BRAT1: variants seen among roughly 807,000 people sequenced by gnomAD.
BRAT1 encodes integrator complex assembly factor BRAT1.
A neutral mutation model predicts 70.6 loss-of-function variants in BRAT1; 74 were observed. The ratio of observed to expected loss-of-function variants is 1.05; its 90% CI spans 0.87 to 1.27. The LOEUF (loss-of-function observed/expected upper bound fraction) is 1.27. BRAT1 is among the 50% of genes most tolerant of loss of function. The pLI, the probability that BRAT1 is intolerant of heterozygous loss-of-function variation, is 0.00. For missense variants in BRAT1, 1,203 were observed against 1,098.2 expected (o/e 1.10, Z -1.35); for synonymous variants, 615 against 517.1 (o/e 1.19, Z -2.57).
chr7:2,547,527 G>A (rs1272711111), intron 2 of BRAT1, 49 bp from the exon 3 acceptor site: 1 of 1,591,868 alleles, frequency 6.3e-7, no homozygotes, highest in East Asian at 2.2e-5. Flanking sequence ...GGCACCAGGT[G>A]TCCCCCTGGA....
rs772176091 is a variant in BRAT1 at position 2,554,294 on chromosome 7, C to T, written c.127+11G>A. 3 of 1,612,866 alleles carry T rather than the reference C, an allele frequency of 1.9e-6. No individual in the cohort carries two copies. Among genetic ancestry groups the T allele is most frequent in the Non-Finnish European group, 2.5e-6 (3 of 1,179,242 alleles). ...CTGGATAGGCAGTAAACAGCAGCAC[C>T]ACCTCCTTACCTCCTTCAGTGACCG... On this transcript the variant is annotated intron_variant, in intron 2 of 13. Coordinates refer to ENST00000340611, the MANE Select transcript of BRAT1 (RefSeq NM_152743.4).
intron 1 of BRAT1, 66 bp from the exon 2 acceptor site, chr7:2,554,513 C>G: frequency 4.6e-6 from 7 of 1,514,348 alleles, no homozygotes; most frequent in Non-Finnish European, 6.2e-6. Context: ...CTAGTCACAG[C>G]AGCCCACCAT....
Position 2,538,245 on chromosome 7 carries a change from G to C in BRAT1, c.2290C>G (p.Pro764Ala), listed in dbSNP as rs754574676. The change falls in exon 14 of 14, where the codon CCA (proline) becomes GCA (alanine). Residue 764 changes from proline (P) to alanine (A), a missense_variant. Pro to Ala is a conservative substitution (Grantham distance 27, BLOSUM62 -1). Coordinates refer to ENST00000340611, the MANE Select transcript of BRAT1 (RefSeq NM_152743.4). ...RWRAGEQAQP[P>A]GDQEPEAVLA... ...ACAGCCTCAGGCTCCTGGTCCCCTGGGGGCTGGGCCTGCTCACCCGCCCGC... is the reference window on the plus strand; with the variant it reads ...ACAGCCTCAGGCTCCTGGTCCCCTGCGGGCTGGGCCTGCTCACCCGCCCGC... The C allele has an allele frequency of 8.1e-6, 13 of 1,609,918 alleles. No individual in the cohort carries two copies. The South Asian group carries it at 1.2e-4, about 15-fold the overall frequency.
In BRAT1 at chr7:2,539,212, G is replaced by A. The variant is rs764731535; in HGVS notation, c.1737C>T (p.Ala579=). The A allele has an allele frequency of 1.2e-6, 2 of 1,609,762 alleles. No homozygotes were observed. Among genetic ancestry groups the A allele is most frequent in the Non-Finnish European group, 1.7e-6 (2 of 1,179,112 alleles). The change falls in exon 13 of 14, where the codon GCC becomes GCT. Residue 579 remains alanine (A), a synonymous_variant. Coordinates refer to ENST00000340611, the MANE Select transcript of BRAT1 (RefSeq NM_152743.4). ...CCTCTGCATGCTCAGGGCTGGTGGG[G>A]GCGTGCAGGCCCTGGCTGGACAGCT... ...MGQLSSQGLH[A]PTSPEHAEAR...
At chr7:2,544,555 C>T (rs189695369) in intron 4 of BRAT1, among the ~76,000 whole-genome samples, 1 of 152,276 alleles carries the variant, frequency 6.6e-6, no homozygotes, top group African/African-American at 2.4e-5. Flanking sequence ...AGTTGGAGTG[C>T]AGTGGCTCAA....
chr7:2,542,100 G>T lies in BRAT1; in HGVS notation c.1015+20C>A, dbSNP rs1196750888. ...CAGGGACCCAGGTTCTGCCCTCCCA[G>T]CCCTTTCTAAGCAGCACACCTGGGG... On this transcript the variant is annotated intron_variant, in intron 7 of 13. Coordinates refer to ENST00000340611, the MANE Select transcript of BRAT1 (RefSeq NM_152743.4). 6.7e-7 allele frequency: 1 copy of T among 1,502,014 alleles called. No individual in the cohort carries two copies. Among genetic ancestry groups the T allele is most frequent in the Non-Finnish European group, 8.9e-7 (1 of 1,123,792 alleles). The allele number at this position is 1,502,014 out of a possible 1,614,324, so 93.0% of individuals were successfully genotyped here. A position where few individuals can be genotyped will look rare whatever the true frequency, so the allele number is the denominator to read the frequency against.
At chr7:2,542,495 G>A (rs969410778) in intron 6 of BRAT1, 5 of 521,218 alleles carry the variant, frequency 9.6e-6, no homozygotes, top group South Asian at 4.2e-5. Flanking sequence ...GGCAGTGCCC[G>A]CTCAGGGGGA....
intron 13 of BRAT1, 61 bp from the exon 14 acceptor site, chr7:2,538,825 C>G: frequency 1.3e-6 from 2 of 1,581,312 alleles, no homozygotes; most frequent in South Asian, 2.2e-5. Flanking sequence ...GCTCCCGCAA[C>G]AGGACTCCGG....
intron 2 of BRAT1, among the ~76,000 whole-genome samples, chr7:2,549,773 G>T (rs572320690): frequency 6.6e-6 from 1 of 152,260 alleles, no homozygotes; most frequent in South Asian, 2.1e-4. Context: ...GAGCAGGAGA[G>T]AAAAGACACA....
intron 12 of BRAT1, 47 bp downstream of exon 12, chr7:2,539,497 G>C: frequency 6.6e-7 from 1 of 1,514,952 alleles, no homozygotes; most frequent in Non-Finnish European, 8.9e-7. Flanking sequence ...GGCTCAGTGA[G>C]CCCCCCACAG....
intron 2 of BRAT1, among the ~76,000 whole-genome samples, chr7:2,552,634 G>A (rs564377597): frequency 5.5e-4 from 83 of 151,698 alleles, no homozygotes; most frequent in African/African-American, 2.0e-3. Flanking sequence ...AGGAAGTAAA[G>A]AATAGCAGAA....
chr7:2,543,826 AC>A lies in BRAT1; in HGVS notation c.566del (p.Gly189ValfsTer30), dbSNP rs1384976053. Reference sequence around the variant, plus strand: ...TCTTCTGGGCACACGCGGGCCAGTCACCCCCCGGCAGGCAGGGCTGCCCCTC... The same window carrying A: ...TCTTCTGGGCACACGCGGGCCAGTCACCCCCGGCAGGCAGGGCTGCCCCTC... ...GAEGQPCLPG[G>X]DWPACAQKIM... On this transcript the variant is annotated frameshift_variant, in exon 5 of 14. Transcript: ENST00000340611. LOFTEE classifies it high-confidence loss of function. The surrounding 1 kb of genome is among the most constrained non-coding windows in gnomAD (Gnocchi z 5.5). The A allele has an allele frequency of 1.2e-6, 2 of 1,612,192 alleles. No homozygotes were observed. Among genetic ancestry groups the A allele is most frequent in the East Asian group, 2.2e-5 (1 of 44,838 alleles).
Position 2,544,932 on chromosome 7 carries a change from G to A in BRAT1, c.407C>T (p.Ala136Val). The A allele has an allele frequency of 6.4e-7, 1 of 1,552,970 alleles. No individual in the cohort carries two copies. The highest frequency in any genetic ancestry group is 8.7e-7 in the Non-Finnish European group (1 of 1,148,304). ...ACCATGGTCGGCCAGGAAGCGCAGG[G>A]CGCTGGGGTGCTGTGCCAGGGAGCG... is the stretch of plus-strand genomic sequence containing the variant. ...GLRSLAQHPSALRFLADHGAV... is the reference protein window; with the variant it reads ...GLRSLAQHPSVLRFLADHGAV... Residue 136 changes from alanine to valine, a missense_variant, in exon 4 of 14, where the codon GCC (alanine) becomes GTC (valine). Physicochemically the swap from Ala to Val is moderately conservative, Grantham distance 64. Coordinates refer to ENST00000340611, the MANE Select transcript of BRAT1 (RefSeq NM_152743.4).
At position 2,543,188 on chromosome 7, in the gene BRAT1, G is replaced by A. The variant is rs374578110; in HGVS notation, c.923+16C>T. ...CCCAGCACCCGCCTCGGAATGAAAT[G>A]CACCCCAGACCATACCAGTGCTCGA... On this transcript the variant is annotated intron_variant, in intron 6 of 13. Transcript: ENST00000340611. The surrounding 1 kb of genome is among the most constrained non-coding windows in gnomAD (Gnocchi z 5.5). 214 of 1,549,500 alleles carry A rather than the reference G, an allele frequency of 1.4e-4. No individual in the cohort carries two copies. The highest frequency in any genetic ancestry group is 1.8e-4 in the Non-Finnish European group (204 of 1,147,946).
chr7:2,542,154 G>A lies in BRAT1; in HGVS notation c.981C>T (p.Val327=), dbSNP rs1358031935. ...CGGGGGCCTGAACCGTGGCCTTCAG[G>A]ACACAGGCCAGGGGCTGGAGAAGGA... ...FQVLLQPLAC[V]LKATVQAPGP... The change falls in exon 7 of 14, where the codon GTC becomes GTT. Residue 327 remains valine (V), a synonymous_variant. Coordinates refer to ENST00000340611, the MANE Select transcript of BRAT1 (RefSeq NM_152743.4). 6.4e-7 allele frequency: 1 copy of A among 1,571,856 alleles called. No homozygotes were observed. The highest frequency in any genetic ancestry group is 8.6e-7 in the Non-Finnish European group (1 of 1,158,706).
chr7:2,539,921 G>C (rs761392479), intron 10 of BRAT1, 33 bp from the exon 11 acceptor site: 1 of 1,415,246 alleles, frequency 7.1e-7, no homozygotes, highest in Non-Finnish European at 9.4e-7. Flanking sequence ...CAGGGCCACG[G>C]GAGACGGAGG....
At chr7:2,548,780 G>A (rs1348145367) in intron 2 of BRAT1, among the ~76,000 whole-genome samples, 1 of 151,938 alleles carries the variant, frequency 6.6e-6, no homozygotes, top group Non-Finnish European at 1.5e-5. Context: ...GGCAAACATG[G>A]TGAATGAAAC....
At chr7:2,552,222 A>AT (rs889404308) in intron 2 of BRAT1, among the ~76,000 whole-genome samples, 2 of 140,542 alleles carry the variant, frequency 1.4e-5, no homozygotes, top group Non-Finnish European at 3.0e-5. Flanking sequence ...GGTTCAAGTG[A>AT]TTCTCCTGCT....
intron 4 of BRAT1, among the ~76,000 whole-genome samples, chr7:2,544,470 G>A (rs887223574): frequency 6.6e-6 from 1 of 152,110 alleles, no homozygotes; most frequent in African/African-American, 2.4e-5. Context: ...CCAAAGTGCT[G>A]AGATTACAGG....
Sources: gnomAD v4.1 joint callset for allele counts (sites outside exome capture counted in the v4.1 genomes callset) on GRCh38, gnomAD v4.1.1 for gene constraint, Gnocchi (gnomAD v3.1) non-coding constraint, MANE v1.5 for transcripts, NCBI Gene and HGNC (gene_info 2026-07-23, HGNC 2026-07-21) for gene names.